The following PAXIP1 variants were observed in gnomAD, a reference collection of about 807,000 sequenced individuals.
The protein encoded by PAXIP1 is PAX interacting protein 1.
A neutral mutation model predicts 140.6 loss-of-function variants in PAXIP1; 19 were observed. The observed-to-expected ratio is 0.14, with a 90% CI of 0.09 to 0.20. The LOEUF (loss-of-function observed/expected upper bound fraction) is 0.20, where lower values mean the gene tolerates loss of function less well. PAXIP1 is among the 10% of genes least tolerant of loss of function. The pLI is 1.00. For synonymous variants in PAXIP1, 442 were observed against 444.6 expected (o/e 0.99, Z 0.07); for missense variants, 920 against 1,208.6 (o/e 0.76, Z 3.54).
chr7:154,957,738 C>T (rs988805860), intron 13 of PAXIP1, among the ~76,000 whole-genome samples: 10 of 151,892 alleles, frequency 6.6e-5, no homozygotes, highest in Non-Finnish European at 8.8e-5. Context: ...GAGGCCGAGG[C>T]GGGTGGATCA....
At chr7:154,995,066 C>T (rs558010210) in intron 2 of PAXIP1, among the ~76,000 whole-genome samples, 3 of 152,304 alleles carry the variant, frequency 2.0e-5, no homozygotes, top group Non-Finnish European at 2.9e-5. Context: ...CCCAGAAACC[C>T]CTCTCTCCTC....
intron 8 of PAXIP1, chr7:154,965,610 A>T (rs1808975516): frequency 6.6e-6 from 1 of 152,158 alleles, no homozygotes; most frequent in African/African-American, 2.4e-5. Context: ...GAGGATGAAG[A>T]CCTTTATGAT....
rs757475624 is a variant in PAXIP1, at chr7:154,960,987, A to C, written c.2340T>G (p.Phe780Leu). The C allele has an allele frequency of 4.4e-6, 7 of 1,602,866 alleles. No individual in the cohort carries two copies. Among genetic ancestry groups the C allele is most frequent in the East Asian group, 2.2e-5 (1 of 44,582 alleles). Residue 780 changes from phenylalanine to leucine, a missense_variant, in exon 12 of 21, where the codon TTT becomes TTG. Transcript: ENST00000404141. ...QWLGDILLGNFEALRQIQYSR... is the reference protein window; with the variant it reads ...QWLGDILLGNLEALRQIQYSR... ...TATACTGAATCTGCCTCAGTGCCTC[A>C]AAGTTTCCCAGAAGAATGTCGCCAA... is the stretch of plus-strand genomic sequence containing the variant.
chr7:154,966,420 G>C (rs1362168663), intron 8 of PAXIP1, among the ~76,000 whole-genome samples: 2 of 152,128 alleles, frequency 1.3e-5, no homozygotes, highest in Non-Finnish European at 1.5e-5. Flanking sequence ...AGGGCACATG[G>C]CCTTCAGTTG....
intron 20 of PAXIP1, chr7:154,945,379 G>A (rs3088230): frequency 0.27 from 65,851 of 241,914 alleles, 9,531 homozygotes; most frequent in Middle Eastern, 0.31. Flanking sequence ...GAAAATGTTT[G>A]ATAAATGTAA....
rs140815058 is a variant in PAXIP1 at position 154,967,670 on chromosome 7, C to A, written c.1893+146G>T. 787 of 605,314 alleles carry A rather than the reference C, an allele frequency of 1.3e-3. 13 individuals carry two copies. The highest frequency in any genetic ancestry group is 7.9e-3 in the East Asian group (284 of 35,744). The allele number at this position is 605,314 out of a possible 1,614,324, so 37.5% of individuals were successfully genotyped here. On this transcript the variant is annotated intron_variant, in intron 8 of 20. Coordinates refer to ENST00000404141, the MANE Select transcript of PAXIP1 (RefSeq NM_007349.4). ...CAGAAAAGTGCTGTGCCTCAGGTCA[C>A]ACAGAATGTTAATCAAAATGCCCGT...
At chr7:154,975,671 A>T (rs761825218) in intron 6 of PAXIP1, 25 bp downstream of exon 6, 16 of 1,507,090 alleles carry the variant, frequency 1.1e-5, no homozygotes, top group African/African-American at 1.4e-5. Flanking sequence ...CAATACTGAC[A>T]TTTTTTTCGG....
At chr7:154,957,490 C>T (rs1053508370) in intron 13 of PAXIP1, among the ~76,000 whole-genome samples, 196 bp from the exon 14 acceptor site, 11 of 150,928 alleles carry the variant, frequency 7.3e-5, no homozygotes, top group South Asian at 2.1e-4. Flanking sequence ...GCTAATATTC[C>T]GGAGAGAACC....
chr7:154,972,963 C>G (rs1048613571), intron 6 of PAXIP1, among the ~76,000 whole-genome samples: 1 of 152,248 alleles, frequency 6.6e-6, no homozygotes, highest in African/African-American at 2.4e-5. Flanking sequence ...CGTCACTTTG[C>G]TGCTCTGTGG....
chr7:154,978,061 T>C (rs1809682095), intron 5 of PAXIP1, among the ~76,000 whole-genome samples: 1 of 151,970 alleles, frequency 6.6e-6, no homozygotes. Flanking sequence ...TTTACAAATC[T>C]TGCTTCTCCT....
chr7:154,982,092 C>G (rs1356945678), intron 5 of PAXIP1, among the ~76,000 whole-genome samples: 2 of 152,164 alleles, frequency 1.3e-5, no homozygotes, highest in African/African-American at 4.8e-5. Context: ...AAATCAAATA[C>G]ATTTTTGCTA....
chr7:154,992,594 CAAA>C (rs1168911503), intron 3 of PAXIP1, among the ~76,000 whole-genome samples: 2 of 111,232 alleles, frequency 1.8e-5, no homozygotes, highest in African/African-American at 3.2e-5. Flanking sequence ...GACTCTGTCT[CAAA>C]AAAAAAAAAA....
intron 16 of PAXIP1, among the ~76,000 whole-genome samples, chr7:154,953,161 C>T (rs990071319): frequency 6.6e-6 from 1 of 152,132 alleles, no homozygotes; most frequent in African/African-American, 2.4e-5. Context: ...AAGAGTGTAA[C>T]GGGACCTAGT....
chr7:154,972,010 C>A (rs1809353661), intron 6 of PAXIP1, among the ~76,000 whole-genome samples: 1 of 152,176 alleles, frequency 6.6e-6, no homozygotes, highest in African/African-American at 2.4e-5. Context: ...CTCAGTTTTC[C>A]ACCGCTAGAG....
intron 1 of PAXIP1, among the ~76,000 whole-genome samples, 160 bp downstream of exon 1, chr7:155,002,689 C>G (rs1810971751): frequency 6.6e-6 from 1 of 151,100 alleles, no homozygotes; most frequent in South Asian, 2.1e-4. Context: ...GCCCACCCCG[C>G]GGTCGCCCCT....
intron 4 of PAXIP1, among the ~76,000 whole-genome samples, chr7:154,987,426 C>T (rs1169716801): frequency 6.6e-6 from 1 of 152,186 alleles, no homozygotes. Flanking sequence ...CCTCCTCCTC[C>T]AGTATCATCT....
At chr7:154,980,834 C>T (rs1026920662) in intron 5 of PAXIP1, among the ~76,000 whole-genome samples, 2 of 152,096 alleles carry the variant, frequency 1.3e-5, no homozygotes, top group African/African-American at 4.8e-5. Flanking sequence ...GGCATTATGC[C>T]TTCTTAAAAA....
intron 15 of PAXIP1, 122 bp downstream of exon 15, chr7:154,955,407 G>A: frequency 1.6e-6 from 1 of 625,278 alleles, no homozygotes; most frequent in Non-Finnish European, 2.8e-6. Flanking sequence ...TCATAAATAT[G>A]CACCATAAAG....
intron 16 of PAXIP1, chr7:154,949,529 T>G (rs1353997890): frequency 6.6e-6 from 1 of 152,178 alleles, no homozygotes; most frequent in African/African-American, 2.4e-5. Flanking sequence ...GATGGTATAT[T>G]TGAAGTGTTA....
Sources: allele counts gnomAD v4.1 joint callset (sites outside exome capture counted in the v4.1 genomes callset), GRCh38; gene constraint gnomAD v4.1.1; transcripts MANE v1.5; gene names NCBI Gene and HGNC (gene_info 2026-07-23, HGNC 2026-07-21).